CNBD2: variants seen among roughly 807,000 people sequenced by gnomAD.
The protein encoded by CNBD2 is cyclic nucleotide-binding domain-containing protein 2.
Under a neutral mutation model 63.7 loss-of-function variants are expected in CNBD2, and 64 were observed. The ratio of observed to expected loss-of-function variants is 1.00; its 90% confidence interval spans 0.82 to 1.24. The LOEUF (loss-of-function observed/expected upper bound fraction) is 1.24. Among genes scored for constraint, CNBD2 ranks in the 50% most tolerant of loss-of-function variants. The pLI, the probability that CNBD2 is intolerant of heterozygous loss-of-function variation, is 0.00. For missense variants in CNBD2, 691 were observed against 713.5 expected (o/e 0.97, Z 0.36); for synonymous variants, 229 against 255.4 (o/e 0.90, Z 0.99).
chr20:36,021,043 T>G (rs776613700), intron 10 of CNBD2, among the ~76,000 whole-genome samples: 18 of 152,140 alleles, frequency 1.2e-4, no homozygotes, highest in Non-Finnish European at 2.4e-4. Context: ...TCAGAATCCT[T>G]CGGAGACATG....
intron 10 of CNBD2, among the ~76,000 whole-genome samples, chr20:36,023,320 T>A (rs983664138): frequency 1.3e-5 from 2 of 151,696 alleles, no homozygotes; most frequent in African/African-American, 4.8e-5. Flanking sequence ...AGGTCAGGAG[T>A]TCGAGACCAG....
At position 35,968,691 on chromosome 20, in the gene CNBD2, T is replaced by TGTTTC. The variant is rs1351126437; in HGVS notation, c.-72_-71insGTTTC. ...ATTTGTTTCTAGTATTACTGGATTTTTGGGGAAAAATTTGTAGTCCTCCCC... is the reference window on the plus strand; with the variant it reads ...ATTTGTTTCTAGTATTACTGGATTTTGTTTCTGGGGAAAAATTTGTAGTCCTCCCC... On this transcript the variant is annotated 5_prime_UTR_variant, in exon 1 of 12. It removes the in-frame stop codon of an upstream open reading frame in the 5' UTR. Coordinates refer to ENST00000373973, the MANE Select transcript of CNBD2 (RefSeq NM_001365709.1). 2 of 1,241,838 alleles carry TGTTTC rather than the reference T, an allele frequency of 1.6e-6. No individual in the cohort carries two copies. Among genetic ancestry groups the TGTTTC allele is most frequent in the African/African-American group, 2.9e-5 (2 of 67,846 alleles). The allele number at this position is 1,241,838 out of a possible 1,614,324, so 76.9% of individuals were successfully genotyped here. A position where few individuals can be genotyped will look rare whatever the true frequency, so the allele number is the denominator to read the frequency against.
chr20:36,014,914 G>A (rs756199880), intron 10 of CNBD2, among the ~76,000 whole-genome samples: 31 of 152,158 alleles, frequency 2.0e-4, no homozygotes, highest in African/African-American at 5.1e-4. Flanking sequence ...GATTACAGGC[G>A]TGAACCATCG....
At position 36,030,588 on chromosome 20, in the gene CNBD2, A is replaced by G; in HGVS notation, c.1671A>G (p.Pro557=). 1 of 1,614,018 alleles carries G rather than the reference A, an allele frequency of 6.2e-7. No individual in the cohort carries two copies. The highest frequency in any genetic ancestry group is 8.5e-7 in the Non-Finnish European group (1 of 1,180,000). ...IFMAPQKYLP[P]LRIVQAIKAP... ...TGGCACCCCAGAAATACCTCCCCCC[A>G]TTGAGGATTGTCCAAGCCATCAAAG... is the stretch of plus-strand genomic sequence containing the variant. The change falls in exon 12 of 12, where the codon CCA becomes CCG. Residue 557 remains proline (P), a synonymous_variant. Coordinates refer to ENST00000373973, the MANE Select transcript of CNBD2 (RefSeq NM_001365709.1).
intron 4 of CNBD2, 134 bp downstream of exon 4, chr20:35,980,756 A>C (rs1246714530): frequency 4.0e-6 from 3 of 751,386 alleles, no homozygotes; most frequent in Non-Finnish European, 4.2e-6. Context: ...CTGTCCATTC[A>C]CTTCAGCTCC....
intron 10 of CNBD2, among the ~76,000 whole-genome samples, chr20:36,022,217 T>TTG (rs561441076): frequency 1.6e-3 from 169 of 107,106 alleles, no homozygotes; most frequent in East Asian, 4.0e-3. Context: ...TTTTTTTTTT[T>TTG]GAGATGGAGT....
intron 10 of CNBD2, among the ~76,000 whole-genome samples, chr20:36,018,135 T>C (rs2794377): frequency 0.073 from 11,143 of 152,234 alleles, 1,363 homozygotes; most frequent in African/African-American, 0.25. Flanking sequence ...CTTCAATTTA[T>C]TAATGTTTCA....
downstream of CNBD2, among the ~76,000 whole-genome samples, chr20:35,959,827 G>C (rs138973880): frequency 4.2e-3 from 634 of 152,314 alleles, 6 homozygotes; most frequent in African/African-American, 0.015. Flanking sequence ...GTTTAACATA[G>C]ACAGTAGGAA....
intron 9 of CNBD2, 42 bp from the exon 10 acceptor site, chr20:36,011,095 C>T: frequency 6.9e-7 from 1 of 1,456,946 alleles, no homozygotes; most frequent in Non-Finnish European, 9.1e-7. Context: ...CAGGAGCAGA[C>T]TGTGTTACAG....
intron 7 of CNBD2, among the ~76,000 whole-genome samples, chr20:35,994,045 A>G (rs914590681): frequency 7.4e-5 from 11 of 148,000 alleles, no homozygotes; most frequent in African/African-American, 2.6e-4. Flanking sequence ...ATGCCCGGCT[A>G]ATTTTGTTTT....
chr20:35,989,295 T>C (rs1171726125), intron 7 of CNBD2, among the ~76,000 whole-genome samples: 1 of 152,214 alleles, frequency 6.6e-6, no homozygotes, highest in Non-Finnish European at 1.5e-5. Flanking sequence ...CCACAGGCAT[T>C]TGTTGAGTTT....
chr20:36,008,244 C>G, intron 8 of CNBD2, 53 bp from the exon 9 acceptor site: 1 of 1,448,110 alleles, frequency 6.9e-7, no homozygotes, highest in South Asian at 1.3e-5. Context: ...ACCACCATAA[C>G]CATCATATAT....
At chr20:36,007,532 A>G (rs1301452270) in intron 8 of CNBD2, among the ~76,000 whole-genome samples, 2 of 152,060 alleles carry the variant, frequency 1.3e-5, no homozygotes, top group African/African-American at 2.4e-5. Context: ...TTTATCTGCA[A>G]TTCTTTTTTT....
rs1043632962 is a variant in CNBD2 at position 35,980,694 on chromosome 20, G to A, written c.407+72G>A. Reference sequence around the variant, plus strand: ...AGCAAAAGAGCCTGGCTGAGAAGGTGTGGCAGGTCCTGCCCACCCCTCTGC... The same window carrying A: ...AGCAAAAGAGCCTGGCTGAGAAGGTATGGCAGGTCCTGCCCACCCCTCTGC... On this transcript the variant is annotated intron_variant, in intron 4 of 11. Coordinates refer to ENST00000373973, the MANE Select transcript of CNBD2 (RefSeq NM_001365709.1). 2.6e-5 allele frequency: 38 copies of A among 1,480,462 alleles called. No homozygotes were observed. In the Admixed American group the frequency reaches 5.3e-4, roughly 21 times the overall value. The allele number at this position is 1,480,462 out of a possible 1,614,324, so 91.7% of individuals were successfully genotyped here.
intron 10 of CNBD2, among the ~76,000 whole-genome samples, chr20:36,015,333 G>C (rs2057119380): frequency 6.6e-6 from 1 of 151,982 alleles, no homozygotes; most frequent in African/African-American, 2.4e-5. Flanking sequence ...TACTTTGTTG[G>C]TTGTTTCCTT....
At chr20:35,954,569 T>C, upstream of CNBD2, 1 of 1,462,320 alleles carries the variant, frequency 6.8e-7, no homozygotes, top group South Asian at 1.2e-5. Flanking sequence ...CCTCTAGCGT[T>C]CTCGAGTCGC....
At chr20:35,958,161 G>A (rs372708690), downstream of CNBD2, among the ~76,000 whole-genome samples, 3 of 152,196 alleles carry the variant, frequency 2.0e-5, no homozygotes, top group African/African-American at 7.2e-5. Context: ...GGCCAAGCAT[G>A]GTGGCTCATG....
chr20:36,015,695 A>G (rs149131093), intron 10 of CNBD2, among the ~76,000 whole-genome samples: 21 of 152,362 alleles, frequency 1.4e-4, no homozygotes, highest in African/African-American at 4.8e-4. Flanking sequence ...AGCTGAAACA[A>G]TTTGAACAAC....
At chr20:35,972,531 A>C in intron 1 of CNBD2, 98 bp from the exon 2 acceptor site, 1 of 1,164,712 alleles carries the variant, frequency 8.6e-7, no homozygotes, top group South Asian at 1.4e-5. Context: ...TACTGCATTT[A>C]ATCCTGGTAA....
Sources: gnomAD v4.1 joint callset for allele counts (sites outside exome capture counted in the v4.1 genomes callset) on GRCh38, gnomAD v4.1.1 for gene constraint, MANE v1.5 for transcripts, NCBI Gene and HGNC (gene_info 2026-07-23, HGNC 2026-07-21) for gene names.